C12orf43: variants seen among roughly 807,000 people sequenced by gnomAD.
C12orf43 encodes protein CUSTOS.
Under a neutral mutation model 20.6 loss-of-function variants are expected in C12orf43, and 15 were observed. The ratio of observed to expected loss-of-function variants is 0.73; its 90% CI spans 0.49 to 1.12. C12orf43 has a LOEUF of 1.12. Ranked by LOEUF, C12orf43 falls within the 50% of genes most tolerant of loss-of-function variation. The pLI, the probability that C12orf43 is intolerant of heterozygous loss-of-function variation, is 0.00. For missense variants in C12orf43, 334 were observed against 344.4 expected (o/e 0.97, Z 0.24); for synonymous variants, 144 against 130.8 (o/e 1.10, Z -0.69).
At position 121,001,139 on chromosome 12, in the gene C12orf43, C is replaced by T; in HGVS notation, c.*3014G>A. ...CCAGAGCCACCTGCTGCCATCCAAC[C>T]ACAGCGTCATCGAGACCTTCATCTC... On this transcript the variant is annotated 3_prime_UTR_variant, in exon 6 of 6. Transcript: ENST00000288757. The T allele has an allele frequency of 6.2e-7, 1 of 1,614,126 alleles. No homozygotes were observed. Among genetic ancestry groups the T allele is most frequent in the Non-Finnish European group, 8.5e-7 (1 of 1,180,002 alleles).
rs761324299 is a variant in C12orf43 at position 121,001,175 on chromosome 12, G to C, written c.*2978C>G. On this transcript the variant is annotated 3_prime_UTR_variant, in exon 6 of 6. Transcript: ENST00000288757. The stretch of plus-strand genomic sequence containing the variant: ...CGAGACCTTCATCTCCACCCAGATG[G>C]CCTCTTCCTCCCAGTAACCACGGCA... 6.2e-7 allele frequency: 1 copy of C among 1,614,056 alleles called. No individual in the cohort carries two copies. The highest frequency in any genetic ancestry group is 8.5e-7 in the Non-Finnish European group (1 of 1,179,978).
At chr12:121,009,424 C>A (rs981574792) in intron 3 of C12orf43, among the ~76,000 whole-genome samples, 15 of 152,106 alleles carry the variant, frequency 9.9e-5, no homozygotes, top group African/African-American at 3.4e-4. Context: ...CCACTGTGCT[C>A]CAGAGGGAGA....
At chr12:121,006,723 G>T (rs796281846) in intron 3 of C12orf43, 1 of 263,630 alleles carries the variant, frequency 3.8e-6, no homozygotes, top group Non-Finnish European at 7.5e-6. Flanking sequence ...AGATCATGAG[G>T]CCAGGAGATC....
chr12:121,001,196 C>T lies in C12orf43; in HGVS notation c.*2957G>A, dbSNP rs753174645. On this transcript the variant is annotated 3_prime_UTR_variant, in exon 6 of 6. Transcript: ENST00000288757. ...GATGGCCTCTTCCTCCCAGTAACCACGGCACCTGGGCCCTGGGGCCTGTAC... is the reference window on the plus strand; with the variant it reads ...GATGGCCTCTTCCTCCCAGTAACCATGGCACCTGGGCCCTGGGGCCTGTAC... 1.7e-5 allele frequency: 28 copies of T among 1,613,808 alleles called. No individual in the cohort carries two copies. The highest frequency in any genetic ancestry group is 9.9e-5 in the South Asian group (9 of 91,068).
At chr12:121,016,296 C>A in intron 1 of C12orf43, 34 bp downstream of exon 1, 2 of 1,612,524 alleles carry the variant, frequency 1.2e-6, no homozygotes. Context: ...GATCCCACGC[C>A]CCTCAGCCAG....
In C12orf43 at chr12:121,010,911, C is replaced by T; in HGVS notation, c.204G>A (p.Glu68=). The change falls in exon 3 of 6, where the codon GAG becomes GAA. Residue 68 remains glutamate (E), a synonymous_variant. Transcript: ENST00000288757. Reference sequence around the variant, plus strand: ...GAAGCTCGTTGCCATCTTGTTCATGCTCATTCACCTTATGCCTACGACACA... The same window carrying T: ...GAAGCTCGTTGCCATCTTGTTCATGTTCATTCACCTTATGCCTACGACACA... The part of the protein sequence containing the change: ...SQPSLRHKVN[E]HEQDGNELQT... The T allele has an allele frequency of 4.3e-6, 7 of 1,614,166 alleles. No individual in the cohort carries two copies. The highest frequency in any genetic ancestry group is 5.9e-6 in the Non-Finnish European group (7 of 1,180,026).
chr12:121,002,495 G>C lies in C12orf43; in HGVS notation c.*1658C>G. ...TTTATTTAACTTTTAGTAAAGTCAA[G>C]GAGAAATGCGGTGGAAACTTCTTGC... On this transcript the variant is annotated 3_prime_UTR_variant, in exon 6 of 6. Transcript: ENST00000288757. The C allele has an allele frequency of 1.9e-6, 1 of 513,408 alleles. No homozygotes were observed. Among genetic ancestry groups the C allele is most frequent in the Non-Finnish European group, 3.8e-6 (1 of 261,934 alleles). The allele number at this position is 513,408 out of a possible 1,614,324, so 31.8% of individuals were successfully genotyped here. A position where few individuals can be genotyped will look rare whatever the true frequency, so the allele number is the denominator to read the frequency against.
rs1393473386 is a variant in C12orf43, at chr12:121,001,273, G to A, written c.*2880C>T. 5 of 1,537,538 alleles carry A rather than the reference G, an allele frequency of 3.3e-6. No individual in the cohort carries two copies. The African/African-American group carries it at 5.4e-5, about 17-fold the overall frequency. On this transcript the variant is annotated 3_prime_UTR_variant, in exon 6 of 6. Coordinates refer to ENST00000288757, the MANE Select transcript of C12orf43 (RefSeq NM_022895.3). ...GCAGCCAGCCCTGCCTGGAGGACCT[G>A]AGCCTGCCGAGCAACCGTGGCCCTT...
In C12orf43 at chr12:121,000,882, G is replaced by A; in HGVS notation, c.*3271C>T. On this transcript the variant is annotated 3_prime_UTR_variant, in exon 6 of 6. Transcript: ENST00000288757. ...TCAGGCCACTCCATGGGCGGCCGTG[G>A]ACCCTGGCTGGGAGGCTCCCTTTGA... 1 of 771,464 alleles carries A rather than the reference G, an allele frequency of 1.3e-6. No homozygotes were observed. 47.8% of individuals were successfully genotyped at this position (771,464 alleles called of 1,614,324 possible).
In C12orf43 at chr12:121,005,162, A is replaced by C; in HGVS notation, c.362-69T>G. ...AAAAAGAAACATAAAAAAATAAAAA[A>C]TAAAGAAACAAAAAAGAAAAAAATT... is the stretch of plus-strand genomic sequence containing the variant. On this transcript the variant is annotated intron_variant, in intron 4 of 5. Transcript: ENST00000288757. The surrounding 1 kb of genome is among the most constrained non-coding windows in gnomAD (Gnocchi z 5.6). The C allele has an allele frequency of 2.1e-5, 19 of 887,974 alleles. No homozygotes were observed. The highest frequency in any genetic ancestry group is 2.7e-5 in the Non-Finnish European group (18 of 659,226). The allele number at this position is 887,974 out of a possible 1,614,324, so 55.0% of individuals were successfully genotyped here. A position where few individuals can be genotyped will look rare whatever the true frequency, so the allele number is the denominator to read the frequency against.
At position 121,002,126 on chromosome 12, in the gene C12orf43, C is replaced by G. The variant is rs1877536471; in HGVS notation, c.*2027G>C. 1.9e-6 allele frequency: 1 copy of G among 528,288 alleles called. No homozygotes were observed. The highest frequency in any genetic ancestry group is 1.6e-5 in the South Asian group (1 of 64,144). 32.7% of individuals were successfully genotyped at this position (528,288 alleles called of 1,614,324 possible). On this transcript the variant is annotated 3_prime_UTR_variant, in exon 6 of 6. Coordinates refer to ENST00000288757, the MANE Select transcript of C12orf43 (RefSeq NM_022895.3). ...AGCTCACAAGGCAGCAAGGCCCGAG[C>G]AGCTGAGCAGGGCCGGGGAACTGGC...
At chr12:121,010,968 A>C in intron 2 of C12orf43, 42 bp from the exon 3 acceptor site, 1 of 1,607,948 alleles carries the variant, frequency 6.2e-7, no homozygotes, top group Non-Finnish European at 8.5e-7. Flanking sequence ...GCCCGCTCAG[A>C]AGCTGTCCCC....
rs758414199 is a variant in C12orf43, at chr12:121,001,231, G to C, written c.*2922C>G. On this transcript the variant is annotated 3_prime_UTR_variant, in exon 6 of 6. Transcript: ENST00000288757. ...GCCCTGGGGCCTGTACTGCCTGCTT[G>C]GGGGGTGATGAGGGCAGCAGCCAGC... The C allele has an allele frequency of 3.7e-6, 6 of 1,610,218 alleles. No homozygotes were observed. The highest frequency in any genetic ancestry group is 2.2e-5 in the East Asian group (1 of 44,772).
chr12:121,006,706 GGCA>G (rs749804038), intron 3 of C12orf43: 39 of 283,880 alleles, frequency 1.4e-4, no homozygotes, highest in Non-Finnish European at 2.3e-4. Context: ...GGGAGGCCAA[GGCA>G]GGCAGATCAT....
chr12:121,002,817 TCAGCCTCACAAG>T lies in C12orf43; in HGVS notation c.*1324_*1335del, dbSNP rs1284482856. 5 of 168,148 alleles carry T rather than the reference TCAGCCTCACAAG, an allele frequency of 3.0e-5. No homozygotes were observed. Among genetic ancestry groups the T allele is most frequent in the Middle Eastern group, 2.9e-3 (1 of 348 alleles). 10.4% of individuals were successfully genotyped at this position (168,148 alleles called of 1,614,324 possible). A position where few individuals can be genotyped will look rare whatever the true frequency, so the allele number is the denominator to read the frequency against. ...CCTGGACTAAAGGGATCCTCCCACC[TCAGCCTCACAAG>T]CAGCCTCACAGGCGCTCACTACCAT... On this transcript the variant is annotated 3_prime_UTR_variant, in exon 6 of 6. Transcript: ENST00000288757.
chr12:121,007,524 T>C (rs1878113480), intron 3 of C12orf43, among the ~76,000 whole-genome samples: 1 of 152,218 alleles, frequency 6.6e-6, no homozygotes, highest in Admixed American at 6.5e-5. Context: ...TATCAAGCAC[T>C]TGTGGCACAC....
In C12orf43 at chr12:121,001,444, A is replaced by G; in HGVS notation, c.*2709T>C. 1.8e-6 allele frequency: 1 copy of G among 543,242 alleles called. No homozygotes were observed. Among genetic ancestry groups the G allele is most frequent in the Non-Finnish European group, 3.3e-6 (1 of 299,850 alleles). The allele number at this position is 543,242 out of a possible 1,614,324, so 33.7% of individuals were successfully genotyped here. On this transcript the variant is annotated 3_prime_UTR_variant, in exon 6 of 6. Transcript: ENST00000288757. ...AGCAAAGCCTGTTCATGGCAGATGT[A>G]GGAGGGACTGTCGCTGCTTCGTGGG...
At chr12:121,010,971 C>T in intron 2 of C12orf43, 45 bp from the exon 3 acceptor site, 1 of 1,605,670 alleles carries the variant, frequency 6.2e-7, no homozygotes, top group East Asian at 2.2e-5. Context: ...CGCTCAGAAG[C>T]TGTCCCCATG....
intron 1 of C12orf43, among the ~76,000 whole-genome samples, chr12:121,013,685 G>A (rs1313503538): frequency 6.6e-6 from 1 of 152,170 alleles, no homozygotes; most frequent in Non-Finnish European, 1.5e-5. Flanking sequence ...TGTCTCTAGA[G>A]GTTACATAAA....
Sources: allele counts gnomAD v4.1 joint callset (sites outside exome capture counted in the v4.1 genomes callset), GRCh38; gene constraint gnomAD v4.1.1; non-coding constraint Gnocchi (gnomAD v3.1); transcripts MANE v1.5; gene names NCBI Gene and HGNC (gene_info 2026-07-23, HGNC 2026-07-21).